The following GPR17 variants were observed in gnomAD, a reference collection of about 807,000 sequenced individuals.
GPR17 encodes uracil nucleotide/cysteinyl leukotriene receptor.
Under a neutral mutation model 1.5 loss-of-function variants are expected in GPR17, and 4 were observed. The observed-to-expected ratio is 2.73, with a 90% CI of 1.35 to 6.25. GPR17 has a LOEUF of 6.25. Ranked by LOEUF, GPR17 falls within the 30% of genes most tolerant of loss-of-function variation. GPR17 has a pLI of 0.00. For missense variants in GPR17, 463 were observed against 462.1 expected, an observed-to-expected ratio of 1.00 and a Z score of -0.02; for synonymous variants, 209 against 207.6, an observed-to-expected ratio of 1.01 and a Z score of -0.06.
chr2:127,651,774 G>T lies in GPR17; in HGVS notation c.*19G>T, dbSNP rs533564833. 242 of 1,605,662 alleles carry T rather than the reference G, an allele frequency of 1.5e-4. 4 individuals carry two copies. In the South Asian group the frequency reaches 2.6e-3, roughly 17 times the overall value. ...GCTGTGAGCGGGGGGCGCCGTCCAG[G>T]CCGAGCGCAGACTGTTTAGGACTCA... On this transcript the variant is annotated 3_prime_UTR_variant, in exon 2 of 2. Transcript: ENST00000486700.
chr2:127,650,671 C>T, intron 1 of GPR17, 45 bp from the exon 2 acceptor site: 1 of 1,355,072 alleles, frequency 7.4e-7, no homozygotes, highest in Middle Eastern at 1.8e-4. Context: ...CGTGAAGCTG[C>T]CTAGATCGCA....
At chr2:127,650,477 T>C (rs1488319926) in intron 1 of GPR17, 3 of 563,816 alleles carry the variant, frequency 5.3e-6, no homozygotes, top group African/African-American at 3.7e-5. Flanking sequence ...GGGGTGCAGC[T>C]GCATAGCGGC....
At chr2:127,649,810 G>A (rs1011804558) in intron 1 of GPR17, 24 of 570,240 alleles carry the variant, frequency 4.2e-5, no homozygotes, top group Non-Finnish European at 7.5e-5. Context: ...CAAGCCACGA[G>A]GCCTCCAGGC....
chr2:127,649,144 G>A (rs1276147653), intron 1 of GPR17, among the ~76,000 whole-genome samples: 2 of 150,166 alleles, frequency 1.3e-5, no homozygotes, highest in African/African-American at 2.4e-5. Flanking sequence ...CAAGCAAAGC[G>A]AAGTGAGAGA....
At chr2:127,649,501 G>A (rs1215531199) in intron 1 of GPR17, among the ~76,000 whole-genome samples, 2 of 152,216 alleles carry the variant, frequency 1.3e-5, no homozygotes, top group Admixed American at 6.5e-5. Flanking sequence ...GCCGAAGCCC[G>A]CTGGTGACCC....
chr2:127,650,758 C>T lies in GPR17; in HGVS notation c.23C>T (p.Pro8Leu), dbSNP rs1336616747. MNGLEVA[P>L]PGLITNFSLA... ...AGCATGAATGGCCTTGAAGTGGCTC[C>T]CCCAGGTCTGATCACCAACTTCTCC... Residue 8 changes from proline to leucine, a missense_variant, in exon 2 of 2, where the codon CCC (proline) becomes CTC (leucine). Pro to Leu is a moderately conservative substitution (Grantham distance 98). Transcript: ENST00000486700. 3 of 1,613,516 alleles carry T rather than the reference C, an allele frequency of 1.9e-6. No individual in the cohort carries two copies. The highest frequency in any genetic ancestry group is 2.5e-6 in the Non-Finnish European group (3 of 1,179,772).
chr2:127,651,518 C>T lies in GPR17; in HGVS notation c.783C>T (p.His261=). 6.2e-7 allele frequency: 1 copy of T among 1,612,710 alleles called. No individual in the cohort carries two copies. Among genetic ancestry groups the T allele is most frequent in the Middle Eastern group, 1.6e-4 (1 of 6,062 alleles). The change falls in exon 2 of 2, where the codon CAC becomes CAT. Residue 261 remains histidine (H), a synonymous_variant. Transcript: ENST00000486700. ...YHVNRSVYVL[H]YRSHGASCAT... ...TCAACCGCTCCGTCTACGTGCTGCA[C>T]TACCGCAGCCATGGGGCCTCCTGCG...
rs1349209364 is a variant in GPR17, at chr2:127,651,378, A to C, written c.643A>C (p.Ile215Leu). 3 of 1,612,740 alleles carry C rather than the reference A, an allele frequency of 1.9e-6. No homozygotes were observed. In the South Asian group the frequency reaches 3.3e-5, roughly 18 times the overall value. ...FITTVTCYLL[I>L]IRSLRQGLRV... The stretch of plus-strand genomic sequence containing the variant: ...CACCACGGTCACCTGCTACCTGCTG[A>C]TCATCCGCAGCCTGCGGCAGGGCCT... Residue 215 changes from isoleucine (I) to leucine (L), a missense_variant, in exon 2 of 2, where the codon ATC (isoleucine) becomes CTC (leucine). Physicochemically the swap from Ile to Leu is conservative, Grantham distance 5. Transcript: ENST00000486700.
intron 1 of GPR17, among the ~76,000 whole-genome samples, chr2:127,650,270 G>A (rs947486034): frequency 5.9e-5 from 9 of 152,116 alleles, no homozygotes; most frequent in Non-Finnish European, 1.2e-4. Flanking sequence ...ACCTGCCAAG[G>A]CTTGGGCTGA....
In GPR17 at chr2:127,651,757, CG is replaced by C. The variant is rs1391940115; in HGVS notation, c.*8del. ...CTGAGTGCCAAGTCAGAGCTGTGAG[CG>C]GGGGGCGCCGTCCAGGCCGAGCGCA... is the stretch of plus-strand genomic sequence containing the variant. On this transcript the variant is annotated 3_prime_UTR_variant, in exon 2 of 2. Transcript: ENST00000486700. 1.2e-6 allele frequency: 2 copies of C among 1,609,648 alleles called. No individual in the cohort carries two copies. The highest frequency in any genetic ancestry group is 1.7e-6 in the Non-Finnish European group (2 of 1,177,636).
intron 1 of GPR17, chr2:127,648,259 A>C: frequency 1.1e-6 from 1 of 934,952 alleles, no homozygotes; most frequent in Non-Finnish European, 1.3e-6. Flanking sequence ...ATCTTGAAAC[A>C]CTCTGAAGCC....
chr2:127,648,208 G>A (rs1290553383), intron 1 of GPR17: 3 of 985,284 alleles, frequency 3.0e-6, no homozygotes, highest in Non-Finnish European at 2.4e-6. Context: ...CCCTGTTCCT[G>A]GAAGCAGCAG....
In GPR17 at chr2:127,650,728, G is replaced by A; in HGVS notation, c.-8G>A. 2 of 1,605,476 alleles carry A rather than the reference G, an allele frequency of 1.2e-6. No individual in the cohort carries two copies. The highest frequency in any genetic ancestry group is 1.7e-6 in the Non-Finnish European group (2 of 1,174,314). On this transcript the variant is annotated 5_prime_UTR_variant, in exon 2 of 2. Coordinates refer to ENST00000486700, the MANE Select transcript of GPR17 (RefSeq NM_001161417.2). ...TTGTTCCCTCCAGGCTCTGACTCCAGCCAAAGCATGAATGGCCTTGAAGTG... is the reference window on the plus strand; with the variant it reads ...TTGTTCCCTCCAGGCTCTGACTCCAACCAAAGCATGAATGGCCTTGAAGTG...
Position 127,652,562 on chromosome 2 carries a change from TG to T in GPR17, c.*808del. ...CCGCCTGAGCTATTTCCCTTGCTAG[TG>T]TGCAGATATTTCCCTAACATGTCCT... On this transcript the variant is annotated 3_prime_UTR_variant, in exon 2 of 2. Coordinates refer to ENST00000486700, the MANE Select transcript of GPR17 (RefSeq NM_001161417.2). The T allele has an allele frequency of 6.0e-6, 1 of 166,946 alleles. No individual in the cohort carries two copies. 10.3% of individuals were successfully genotyped at this position (166,946 alleles called of 1,614,324 possible). A position where few individuals can be genotyped will look rare whatever the true frequency, so the allele number is the denominator to read the frequency against.
At chr2:127,650,186 G>A (rs531514233) in intron 1 of GPR17, 35 of 1,003,558 alleles carry the variant, frequency 3.5e-5, no homozygotes, top group African/African-American at 4.8e-5. Context: ...AGCAGAAAGC[G>A]GTGACACCCC....
intron 1 of GPR17, among the ~76,000 whole-genome samples, chr2:127,649,073 A>AAGAAG (rs1683364329): frequency 7.3e-6 from 1 of 137,210 alleles, no homozygotes; most frequent in African/African-American, 2.6e-5. Flanking sequence ...GGAAGGAAGG[A>AAGAAG]AAAAGAAAAG....
intron 1 of GPR17, among the ~76,000 whole-genome samples, chr2:127,649,561 G>A (rs868527304): frequency 2.0e-4 from 31 of 152,358 alleles, no homozygotes; most frequent in Middle Eastern, 3.4e-3. Flanking sequence ...TCCGGGCTGC[G>A]GGCTGCTCTG....
chr2:127,648,449 C>CCCACCCTTCCCTAGGGCTAGGG (rs1683235662), intron 1 of GPR17, among the ~76,000 whole-genome samples: 1 of 152,174 alleles, frequency 6.6e-6, no homozygotes, highest in East Asian at 1.9e-4. Context: ...AAGGGTGCGG[C>CCCACCCTTCCCTAGGGCTAGGG]CCACCCTTCC....
chr2:127,648,378 C>T (rs1004504885), intron 1 of GPR17: 6 of 177,778 alleles, frequency 3.4e-5, no homozygotes, highest in African/African-American at 1.2e-4. Flanking sequence ...GCCAGGTGCT[C>T]GGGCCAGCCC....
Sources: gnomAD v4.1 joint callset for allele counts (sites outside exome capture counted in the v4.1 genomes callset) on GRCh38, gnomAD v4.1.1 for gene constraint, MANE v1.5 for transcripts, NCBI Gene and HGNC (gene_info 2026-07-23, HGNC 2026-07-21) for gene names.